Variants in ADAMTS12 observed in about 807,000 individuals in gnomAD.
The protein encoded by ADAMTS12 is A disintegrin and metalloproteinase with thrombospondin motifs 12.
A neutral mutation model predicts 167.8 loss-of-function variants in ADAMTS12; 118 were observed. The ratio of observed to expected loss-of-function variants is 0.70; its 90% CI spans 0.61 to 0.82. The LOEUF is 0.82. Ranked by LOEUF, ADAMTS12 falls within the 40% of genes least tolerant of loss-of-function variation. ADAMTS12 has a pLI of 0.00. For synonymous variants in ADAMTS12, 704 were observed against 716.9 expected (o/e 0.98, Z 0.29); for missense variants, 1,916 against 1,998.8 (o/e 0.96, Z 0.79).
At chr5:33,747,494 G>A (rs1423814243) in intron 3 of ADAMTS12, among the ~76,000 whole-genome samples, 1 of 152,174 alleles carries the variant, frequency 6.6e-6, no homozygotes, top group Non-Finnish European at 1.5e-5. Flanking sequence ...TAAAGTCATA[G>A]ATGTATTTAT....
intron 2 of ADAMTS12, among the ~76,000 whole-genome samples, chr5:33,848,998 G>A (rs926174450): frequency 5.4e-5 from 8 of 149,314 alleles, no homozygotes; most frequent in African/African-American, 1.7e-4. Context: ...TATATGTATT[G>A]CATAGCAATA....
At chr5:33,817,321 C>G (rs554898283) in intron 2 of ADAMTS12, among the ~76,000 whole-genome samples, 62 of 152,242 alleles carry the variant, frequency 4.1e-4, no homozygotes, top group African/African-American at 1.4e-3. Flanking sequence ...TCAATTCATT[C>G]ATACCTGCAA....
intron 20 of ADAMTS12, among the ~76,000 whole-genome samples, chr5:33,559,965 T>C (rs557903158): frequency 2.0e-5 from 3 of 152,238 alleles, no homozygotes; most frequent in African/African-American, 7.2e-5. Context: ...TCTCAGCTTT[T>C]GTTTCATTTT....
chr5:33,816,725 G>A (rs1294471751), intron 2 of ADAMTS12, among the ~76,000 whole-genome samples: 2 of 152,128 alleles, frequency 1.3e-5, no homozygotes, highest in African/African-American at 4.8e-5. Context: ...GGAAATGACA[G>A]GTGAGGAAAG....
chr5:33,575,075 GA>G (rs938048503), intron 19 of ADAMTS12, among the ~76,000 whole-genome samples: 14 of 152,182 alleles, frequency 9.2e-5, no homozygotes, highest in Admixed American at 2.0e-4. Context: ...CAAATTTCTG[GA>G]GCATGAAAAT....
At chr5:33,560,937 A>C (rs1745718849) in intron 20 of ADAMTS12, 90 bp downstream of exon 20, 5 of 1,408,164 alleles carry the variant, frequency 3.6e-6, no homozygotes, top group Admixed American at 4.6e-5. Flanking sequence ...AAAAAAAAAA[A>C]CGACTTTAGC....
intron 9 of ADAMTS12, among the ~76,000 whole-genome samples, chr5:33,645,791 T>C (rs1461122045): frequency 6.6e-6 from 1 of 152,182 alleles, no homozygotes; most frequent in Non-Finnish European, 1.5e-5. Flanking sequence ...GAGGTTATCT[T>C]GGCTGCCATA....
intron 2 of ADAMTS12, among the ~76,000 whole-genome samples, chr5:33,780,067 A>C (rs1746068266): frequency 6.6e-6 from 1 of 152,230 alleles, no homozygotes; most frequent in African/African-American, 2.4e-5. Flanking sequence ...CAATGGATAC[A>C]AAAACATGTT....
In ADAMTS12 at chr5:33,603,232, A is replaced by G. The variant is rs79454024; in HGVS notation, c.2528-7172T>C. On this transcript the variant is annotated intron_variant, in intron 16 of 23. Coordinates refer to ENST00000504830, the MANE Select transcript of ADAMTS12 (RefSeq NM_030955.4). ...CAGAACTCTGCAGTACTAAGGCTGC[A>G]ATGAGGCAAAAAGGTGGCTTTTGCA... is the stretch of plus-strand genomic sequence containing the variant. 6.2e-4 allele frequency among the ~76,000 whole-genome samples: 94 copies of G among 152,328 alleles called. No individual in the cohort carries two copies. In the East Asian group the frequency reaches 0.017, roughly 28 times the overall value.
At chr5:33,753,256 T>C (rs1452320566) in intron 2 of ADAMTS12, among the ~76,000 whole-genome samples, 1 of 152,226 alleles carries the variant, frequency 6.6e-6, no homozygotes, top group East Asian at 1.9e-4. Context: ...TCTGACATAA[T>C]TTGCTTCTAT....
intron 19 of ADAMTS12, among the ~76,000 whole-genome samples, chr5:33,566,095 C>T (rs948302788): frequency 1.3e-4 from 20 of 152,100 alleles, no homozygotes; most frequent in African/African-American, 4.8e-4. Context: ...AGGAGCACCA[C>T]CCAGCAGACA....
chr5:33,572,395 C>G (rs1338606949), intron 19 of ADAMTS12, among the ~76,000 whole-genome samples: 1 of 151,940 alleles, frequency 6.6e-6, no homozygotes. Context: ...AAAAGCTTAT[C>G]CACCATGATC....
intron 6 of ADAMTS12, 133 bp downstream of exon 6, chr5:33,661,783 G>T (rs925318584): frequency 2.3e-6 from 3 of 1,292,826 alleles, no homozygotes; most frequent in Non-Finnish European, 3.2e-6. Flanking sequence ...GAGTTGACTA[G>T]ATCAAAGACA....
chr5:33,586,392 A>G (rs1747354654), intron 18 of ADAMTS12, among the ~76,000 whole-genome samples: 2 of 152,212 alleles, frequency 1.3e-5, no homozygotes, highest in African/African-American at 2.4e-5. Flanking sequence ...GAATGAGGGC[A>G]TTGGCCCAGC....
chr5:33,719,039 C>T (rs1743711385), intron 3 of ADAMTS12, among the ~76,000 whole-genome samples: 6 of 152,180 alleles, frequency 3.9e-5, no homozygotes, highest in Admixed American at 2.6e-4. Flanking sequence ...GAGGATTTTA[C>T]ATGCCTTGCG....
intron 2 of ADAMTS12, among the ~76,000 whole-genome samples, chr5:33,861,774 G>C (rs967359036): frequency 1.3e-5 from 2 of 152,096 alleles, no homozygotes; most frequent in Admixed American, 6.6e-5. Context: ...CCACATAATT[G>C]AAAGTAAAAC....
Position 33,527,297 on chromosome 5 carries a change from G to T in ADAMTS12, c.4676C>A (p.Ser1559Tyr), listed in dbSNP as rs768264506. Residue 1559 changes from serine (S) to tyrosine (Y), a missense_variant, in exon 24 of 24, where the codon TCT (serine) becomes TAT (tyrosine). Coordinates refer to ENST00000504830, the MANE Select transcript of ADAMTS12 (RefSeq NM_030955.4). ...CQTLKAMKKC[S>Y]VPTVRAECCF... The stretch of plus-strand genomic sequence containing the variant: ...GCACTCAGCCCTCACGGTGGGCACA[G>T]AACATTTCTTCATGGCTTTCAGTGT... The T allele has an allele frequency of 1.2e-6, 2 of 1,614,198 alleles. No individual in the cohort carries two copies. Among genetic ancestry groups the T allele is most frequent in the Non-Finnish European group, 8.5e-7 (1 of 1,180,024 alleles).
chr5:33,648,121 G>A (rs1740744603), intron 9 of ADAMTS12, among the ~76,000 whole-genome samples: 1 of 152,254 alleles, frequency 6.6e-6, no homozygotes. Context: ...AGTTCAGAGA[G>A]TAGACAATTT....
Position 33,527,293 on chromosome 5 carries a change from C to T in ADAMTS12, c.4680G>A (p.Val1560=). Residue 1560 remains valine (V), a synonymous_variant, in exon 24 of 24, where the codon GTG becomes GTA. Transcript: ENST00000504830. ...AGCAGCACTCAGCCCTCACGGTGGG[C>T]ACAGAACATTTCTTCATGGCTTTCA... ...QTLKAMKKCS[V]PTVRAECCFS... 6.2e-7 allele frequency: 1 copy of T among 1,614,106 alleles called. No homozygotes were observed. Among genetic ancestry groups the T allele is most frequent in the South Asian group, 1.1e-5 (1 of 91,072 alleles).
Sources: gnomAD v4.1 joint callset for allele counts (sites outside exome capture counted in the v4.1 genomes callset) on GRCh38, gnomAD v4.1.1 for gene constraint, MANE v1.5 for transcripts, NCBI Gene and HGNC (gene_info 2026-07-23, HGNC 2026-07-21) for gene names.